Variants in ABCG4 observed in about 807,000 individuals in gnomAD.
ABCG4 encodes ATP-binding cassette sub-family G member 4.
A neutral mutation model predicts 64.6 loss-of-function variants in ABCG4; 35 were observed. That is an observed-to-expected ratio of 0.54 (90% CI 0.41 to 0.72). ABCG4 has a LOEUF of 0.72. Among genes scored for constraint, ABCG4 ranks in the 30% least tolerant of loss-of-function variants. The pLI, the probability that ABCG4 is intolerant of heterozygous loss-of-function variation, is 0.00. For synonymous variants in ABCG4, 326 were observed against 348.2 expected (o/e 0.94, Z 0.71); for missense variants, 610 against 846.3 (o/e 0.72, Z 3.46).
chr11:119,154,318 T>G lies in ABCG4; in HGVS notation c.415T>G (p.Phe139Val). ...TGGAAGGCCACGGGAGCTGAGGACC[T>G]TCCGCAAGATGTCCTGCTACATCAT... is the stretch of plus-strand genomic sequence containing the variant. ...VNGRPRELRT[F>V]RKMSCYIMQD... The change falls in exon 4 of 15, where the codon TTC (phenylalanine) becomes GTC (valine). Residue 139 changes from phenylalanine to valine, a missense_variant. Transcript: ENST00000619701. The surrounding 1 kb of genome is among the most constrained non-coding windows in gnomAD (Gnocchi z 7.0). The G allele has an allele frequency of 6.2e-7, 1 of 1,614,184 alleles. No homozygotes were observed. Among genetic ancestry groups the G allele is most frequent in the Non-Finnish European group, 8.5e-7 (1 of 1,180,028 alleles).
In ABCG4 at chr11:119,160,328, C is replaced by T. The variant is rs888846806; in HGVS notation, c.1539C>T (p.Thr513=). ...TCTTCTCAGCCCTGGCCACCGCCAC[C>T]GCCTTGGTGGCCCAATCTTTGGGGC... is the stretch of plus-strand genomic sequence containing the variant. ...FLLFSALATA[T]ALVAQSLGLL... Residue 513 remains threonine, a synonymous_variant, in exon 13 of 15, where the codon ACC becomes ACT. Transcript: ENST00000619701. This position sits in a 1 kb window ranked among gnomAD's most constrained non-coding sequence, Gnocchi z 4.6. 1.1e-5 allele frequency: 17 copies of T among 1,613,664 alleles called. No individual in the cohort carries two copies. Among genetic ancestry groups the T allele is most frequent in the East Asian group, 4.5e-5 (2 of 44,844 alleles).
chr11:119,160,933 C>A lies in ABCG4; in HGVS notation c.1768C>A (p.Leu590Met), dbSNP rs754402031. 1.9e-6 allele frequency: 3 copies of A among 1,613,934 alleles called. No homozygotes were observed. In the Admixed American group the frequency reaches 5.0e-5, roughly 27 times the overall value. ...LTIYGMERGD[L>M]TCLEERCPFR... ...GATCTATGGCATGGAGCGAGGAGACCTGACATGTTTAGAGGAACGCTGCCC... is the reference window on the plus strand; with the variant it reads ...GATCTATGGCATGGAGCGAGGAGACATGACATGTTTAGAGGAACGCTGCCC... Residue 590 changes from leucine (L) to methionine (M), a missense_variant, in exon 15 of 15, where the codon CTG (leucine) becomes ATG (methionine). Leu to Met is a conservative substitution (Grantham distance 15). Coordinates refer to ENST00000619701, the MANE Select transcript of ABCG4 (RefSeq NM_022169.5). This position sits in a 1 kb window ranked among gnomAD's most constrained non-coding sequence, Gnocchi z 4.6.
intron 9 of ABCG4, among the ~76,000 whole-genome samples, chr11:119,157,539 T>C (rs760138806): frequency 1.2e-4 from 18 of 152,252 alleles, no homozygotes; most frequent in Admixed American, 7.2e-4. Context: ...GTTGTCATTA[T>C]CATCATTATT....
rs377482969 is a variant in ABCG4, at chr11:119,158,469, G to A, written c.1168-88G>A. ...GCCTGTGGGGTCTCTGTGCCTGTGA[G>A]GGCAGCTCCGAGTTCCTACTCCAAG... is the stretch of plus-strand genomic sequence containing the variant. On this transcript the variant is annotated intron_variant, in intron 10 of 14. Transcript: ENST00000619701. The surrounding 1 kb of genome is among the most constrained non-coding windows in gnomAD (Gnocchi z 4.5). 104 of 1,581,146 alleles carry A rather than the reference G, an allele frequency of 6.6e-5. No individual in the cohort carries two copies. In the African/African-American group the frequency reaches 1.2e-3, roughly 18 times the overall value.
intron 12 of ABCG4, among the ~76,000 whole-genome samples, chr11:119,159,764 TAAG>T (rs1408415735): frequency 2.0e-5 from 3 of 152,106 alleles, no homozygotes; most frequent in Non-Finnish European, 2.9e-5. Flanking sequence ...CTTGGCTTAA[TAAG>T]AAGAGCACAA....
chr11:119,157,068 C>T, intron 9 of ABCG4, 54 bp downstream of exon 9: 1 of 1,536,422 alleles, frequency 6.5e-7, no homozygotes, highest in Non-Finnish European at 8.7e-7. Context: ...GGAGACTGGA[C>T]CATGGACAGT....
chr11:119,160,095 A>T lies in ABCG4; in HGVS notation c.1438-132A>T, dbSNP rs1948325411. On this transcript the variant is annotated intron_variant, in intron 12 of 14. Transcript: ENST00000619701. This position sits in a 1 kb window ranked among gnomAD's most constrained non-coding sequence, Gnocchi z 4.6. Reference sequence around the variant, plus strand: ...GTGTGTCAATCTGGGGGACAGCTTGAACAAGAATGTGGAGGCAGGATGGAC... The same window carrying T: ...GTGTGTCAATCTGGGGGACAGCTTGTACAAGAATGTGGAGGCAGGATGGAC... 1.0e-6 allele frequency: 1 copy of T among 973,792 alleles called. No homozygotes were observed. 60.3% of individuals were successfully genotyped at this position (973,792 alleles called of 1,614,324 possible). A position where few individuals can be genotyped will look rare whatever the true frequency, so the allele number is the denominator to read the frequency against.
In ABCG4 at chr11:119,152,194, G is replaced by A. The variant is rs183677146; in HGVS notation, c.239-1832G>A. Among the ~76,000 whole-genome samples, 90 of 152,316 alleles carry A rather than the reference G, an allele frequency of 5.9e-4. No individual in the cohort carries two copies. In the East Asian group the frequency reaches 0.015, roughly 25 times the overall value. Reference sequence around the variant, plus strand: ...ACTGAGGCAGAGGGCTAGAGCCCACGGCTTCCCTCTCCCAGGAAAGAACTT... The same window carrying A: ...ACTGAGGCAGAGGGCTAGAGCCCACAGCTTCCCTCTCCCAGGAAAGAACTT... On this transcript the variant is annotated intron_variant, in intron 2 of 14. Coordinates refer to ENST00000619701, the MANE Select transcript of ABCG4 (RefSeq NM_022169.5).
chr11:119,154,419 C>T lies in ABCG4; in HGVS notation c.489+27C>T, dbSNP rs1948237356. On this transcript the variant is annotated intron_variant, in intron 4 of 14. Transcript: ENST00000619701. The surrounding 1 kb of genome is among the most constrained non-coding windows in gnomAD (Gnocchi z 7.0). ...TGAGGGCTGGATAGTCACCCCTCCT[C>T]CCAGCAACCCCCTCTGTCTGCTGTC... 1.2e-6 allele frequency: 2 copies of T among 1,613,964 alleles called. No individual in the cohort carries two copies. The highest frequency in any genetic ancestry group is 3.3e-5 in the Admixed American group (2 of 59,994).
intron 12 of ABCG4, among the ~76,000 whole-genome samples, chr11:119,159,233 T>A (rs571240155): frequency 7.9e-4 from 121 of 152,356 alleles, no homozygotes; most frequent in African/African-American, 2.8e-3. Flanking sequence ...GCGCCTGTAA[T>A]CCCAGCACTT....
chr11:119,153,779 T>C, intron 2 of ABCG4: 1 of 494,430 alleles, frequency 2.0e-6, no homozygotes, highest in South Asian at 2.5e-5. Context: ...ATGTGTGGAT[T>C]TTCCCACGCC....
chr11:119,156,417 C>T lies in ABCG4; in HGVS notation c.775C>T (p.Gln259Ter), dbSNP rs1948264700. 6.2e-6 allele frequency: 10 copies of T among 1,614,028 alleles called. No homozygotes were observed. The highest frequency in any genetic ancestry group is 8.5e-6 in the Non-Finnish European group (10 of 1,180,022). Residue 259 changes from glutamine (Q) to a stop codon, truncating the protein, a stop_gained, in exon 7 of 15, where the codon CAG becomes TAG. Coordinates refer to ENST00000619701, the MANE Select transcript of ABCG4 (RefSeq NM_022169.5). LOFTEE classifies it high-confidence loss of function. The surrounding 1 kb of genome is among the most constrained non-coding windows in gnomAD (Gnocchi z 5.5). ...CCGTACCATCATCTGCACCATCCAC[C>T]AGCCCAGTGCCAAGCTCTTTGAGAT... The part of the protein sequence containing the change: ...GGRTIICTIH[Q>*]PSAKLFEMFD...
rs777346454 is a variant in ABCG4, at chr11:119,158,860, G to C, written c.1368G>C (p.Glu456Asp). The C allele has an allele frequency of 3.1e-6, 5 of 1,614,208 alleles. No homozygotes were observed. The change falls in exon 12 of 15, where the codon GAG becomes GAC. Residue 456 changes from glutamate (E) to aspartate (D), a missense_variant. Coordinates refer to ENST00000619701, the MANE Select transcript of ABCG4 (RefSeq NM_022169.5). This position sits in a 1 kb window ranked among gnomAD's most constrained non-coding sequence, Gnocchi z 4.5. ...FPLEMAVFMR[E>D]HLNYWYSLKA... ...TAGAGATGGCGGTCTTCATGAGGGAGCACCTCAACTACTGGTACAGCCTCA... is the reference window on the plus strand; with the variant it reads ...TAGAGATGGCGGTCTTCATGAGGGACCACCTCAACTACTGGTACAGCCTCA...
Position 119,156,502 on chromosome 11 carries a change from A to T in ABCG4, c.810+50A>T. On this transcript the variant is annotated intron_variant, in intron 7 of 14. Transcript: ENST00000619701. The surrounding 1 kb of genome is among the most constrained non-coding windows in gnomAD (Gnocchi z 5.5). ...GGATTGGCCTGAGATGGAGGGATGG[A>T]AGGGGGTCAGTAGGGGTGCCTGGCC... 6.2e-7 allele frequency: 1 copy of T among 1,614,058 alleles called. No homozygotes were observed. The highest frequency in any genetic ancestry group is 8.5e-7 in the Non-Finnish European group (1 of 1,179,958).
chr11:119,160,017 G>A lies in ABCG4; in HGVS notation c.1438-210G>A, dbSNP rs1250603470. 1.3e-5 allele frequency among the ~76,000 whole-genome samples: 2 copies of A among 151,816 alleles called. No individual in the cohort carries two copies. Among genetic ancestry groups the A allele is most frequent in the African/African-American group, 2.4e-5 (1 of 41,284 alleles). ...CTGAAGCAGTCAGGGTGGACCAAAC[G>A]GAAGACGTGAGACGAGATAAGTGAT... On this transcript the variant is annotated intron_variant, in intron 12 of 14. Transcript: ENST00000619701. This position sits in a 1 kb window ranked among gnomAD's most constrained non-coding sequence, Gnocchi z 4.6.
Position 119,154,661 on chromosome 11 carries a change from G to A in ABCG4, c.540+86G>A. 1 of 1,596,938 alleles carries A rather than the reference G, an allele frequency of 6.3e-7. No homozygotes were observed. The highest frequency in any genetic ancestry group is 1.1e-5 in the South Asian group (1 of 88,910). On this transcript the variant is annotated intron_variant, in intron 5 of 14. Coordinates refer to ENST00000619701, the MANE Select transcript of ABCG4 (RefSeq NM_022169.5). The surrounding 1 kb of genome is among the most constrained non-coding windows in gnomAD (Gnocchi z 7.0). ...CCCGAGCTGGGAGTGGGAGAGTGGT[G>A]GCCTAGGCCGAGACAATGCACTTAA...
rs1323608174 is a variant in ABCG4, at chr11:119,149,181, G to A, written c.-195G>A. On this transcript the variant is annotated 5_prime_UTR_variant, in exon 1 of 15. Transcript: ENST00000619701. The surrounding 1 kb of genome is among the most constrained non-coding windows in gnomAD (Gnocchi z 8.3). ...CCATCCTTGCCGTCTCCTCCGAGCC[G>A]AGGGCCGGCCCTCCTGCCTCGCCTG... 6.6e-6 allele frequency: 1 copy of A among 151,864 alleles called. No homozygotes were observed. Among genetic ancestry groups the A allele is most frequent in the Non-Finnish European group, 1.5e-5 (1 of 67,922 alleles). 9.4% of individuals were successfully genotyped at this position (151,864 alleles called of 1,614,324 possible). A position where few individuals can be genotyped will look rare whatever the true frequency, so the allele number is the denominator to read the frequency against.
Position 119,156,035 on chromosome 11 carries a change from C to G in ABCG4, c.687-294C>G, listed in dbSNP as rs1592305674. The G allele has an allele frequency of 5.3e-6, 2 of 376,908 alleles. No individual in the cohort carries two copies. Among genetic ancestry groups the G allele is most frequent in the East Asian group, 1.1e-4 (2 of 18,022 alleles). The allele number at this position is 376,908 out of a possible 1,614,324, so 23.3% of individuals were successfully genotyped here. On this transcript the variant is annotated intron_variant, in intron 6 of 14. Transcript: ENST00000619701. The surrounding 1 kb of genome is among the most constrained non-coding windows in gnomAD (Gnocchi z 5.5). Reference sequence around the variant, plus strand: ...CACTTTCCACATTACCCAAAATCATCTGTGTGCTTGTCTCTCTCTCCTTCC... The same window carrying G: ...CACTTTCCACATTACCCAAAATCATGTGTGTGCTTGTCTCTCTCTCCTTCC...
Position 119,156,887 on chromosome 11 carries a change from C to T in ABCG4, c.941C>T (p.Ser314Phe). Residue 314 changes from serine (S) to phenylalanine (F), a missense_variant, in exon 9 of 15, where the codon TCT (serine) becomes TTT (phenylalanine). Physicochemically the swap from Ser to Phe is radical, Grantham distance 155. Transcript: ENST00000619701. This position sits in a 1 kb window ranked among gnomAD's most constrained non-coding sequence, Gnocchi z 5.5. The part of the protein sequence containing the change: ...NPADFIIEVA[S>F]GEYGDLNPML... ...GTGTCCCCAGTCATCGAGGTGGCCTCTGGCGAGTATGGAGACCTGAACCCC... is the reference window on the plus strand; with the variant it reads ...GTGTCCCCAGTCATCGAGGTGGCCTTTGGCGAGTATGGAGACCTGAACCCC... The T allele has an allele frequency of 6.2e-7, 1 of 1,611,198 alleles. No individual in the cohort carries two copies. The highest frequency in any genetic ancestry group is 1.1e-5 in the South Asian group (1 of 90,766).
Sources: allele counts gnomAD v4.1 joint callset (sites outside exome capture counted in the v4.1 genomes callset), GRCh38; gene constraint gnomAD v4.1.1; non-coding constraint Gnocchi (gnomAD v3.1); transcripts MANE v1.5; gene names NCBI Gene and HGNC (gene_info 2026-07-23, HGNC 2026-07-21).